The following OLFML2B variants were observed in gnomAD, a reference collection of about 807,000 sequenced individuals.
OLFML2B encodes the protein olfactomedin like 2B.
A neutral mutation model predicts 74.9 loss-of-function variants in OLFML2B; 57 were observed. The observed-to-expected ratio is 0.76, with a 90% CI of 0.61 to 0.95. The LOEUF is 0.95. Among genes scored for constraint, OLFML2B ranks in the 40% least tolerant of loss-of-function variants. The pLI is 0.00. For missense variants in OLFML2B, 986 were observed against 970.6 expected, an observed-to-expected ratio of 1.02 and a Z score of -0.21; for synonymous variants, 388 against 405.8, an observed-to-expected ratio of 0.96 and a Z score of 0.53.
intron 1 of OLFML2B, among the ~76,000 whole-genome samples, chr1:162,021,371 G>A (rs761147632): frequency 2.0e-5 from 3 of 152,216 alleles, no homozygotes; most frequent in Non-Finnish European, 4.4e-5. Context: ...GAAAACACGC[G>A]ACAGTAGGCT....
At chr1:161,990,050 G>A (rs1371430447) in intron 6 of OLFML2B, among the ~76,000 whole-genome samples, 1 of 152,200 alleles carries the variant, frequency 6.6e-6, no homozygotes, top group African/African-American at 2.4e-5. Context: ...GGAAGGATAG[G>A]GCAACTCATA....
chr1:161,985,128 A>C, intron 6 of OLFML2B, 148 bp from the exon 7 acceptor site: 1 of 678,096 alleles, frequency 1.5e-6, no homozygotes, highest in South Asian at 2.5e-5. Flanking sequence ...TTTCCACACC[A>C]TCTCCTGCTA....
chr1:161,993,630 T>C (rs866883867), intron 6 of OLFML2B, among the ~76,000 whole-genome samples: 2 of 152,170 alleles, frequency 1.3e-5, no homozygotes, highest in African/African-American at 4.8e-5. Context: ...CCCGGCTCCC[T>C]ACCCTGGAAT....
In OLFML2B at chr1:162,006,335, G is replaced by C. The variant is rs765604113; in HGVS notation, c.685C>G (p.Leu229Val). 5.6e-6 allele frequency: 9 copies of C among 1,611,366 alleles called. No individual in the cohort carries two copies. In the South Asian group the frequency reaches 9.9e-5, roughly 18 times the overall value. The change falls in exon 4 of 8, where the codon CTG becomes GTG. Residue 229 changes from leucine (L) to valine (V), a missense_variant. Transcript: ENST00000294794. The stretch of plus-strand genomic sequence containing the variant: ...TAGGCTGCTGCTGCATCCCTCTGCA[G>C]GGCTGAGCGGATGTCTGGCATGCTA... The part of the protein sequence containing the change: ...LDSMPDIRSA[L>V]QRDAAAAYAH...
chr1:161,998,570 T>C (rs1318403995), intron 5 of OLFML2B, among the ~76,000 whole-genome samples: 1 of 152,094 alleles, frequency 6.6e-6, no homozygotes, highest in Non-Finnish European at 1.5e-5. Context: ...ACTGCAGCCA[T>C]GCTCCCCCCA....
intron 3 of OLFML2B, among the ~76,000 whole-genome samples, chr1:162,014,374 G>A (rs1690473979): frequency 6.6e-6 from 1 of 152,152 alleles, no homozygotes. Context: ...TGCAAATGAA[G>A]TTTCCATTCC....
At chr1:161,997,424 C>A (rs1471303224) in intron 6 of OLFML2B, among the ~76,000 whole-genome samples, 1 of 152,182 alleles carries the variant, frequency 6.6e-6, no homozygotes, top group African/African-American at 2.4e-5. Flanking sequence ...AAATCTGAGA[C>A]TTTCCCCCCA....
In OLFML2B at chr1:161,997,809, G is replaced by C; in HGVS notation, c.1474+16C>G. ...TGAGCTGATCAGGAGACCAAGGCCA[G>C]GTACAATGAACTTACCTATGACATT... On this transcript the variant is annotated intron_variant, in intron 6 of 7. Transcript: ENST00000294794. 2 of 1,597,784 alleles carry C rather than the reference G, an allele frequency of 1.3e-6. No homozygotes were observed. The highest frequency in any genetic ancestry group is 1.7e-6 in the Non-Finnish European group (2 of 1,169,112).
Position 161,983,896 on chromosome 1 carries a change from C to T in OLFML2B, c.2032G>A (p.Val678Ile), listed in dbSNP as rs141909728. The T allele has an allele frequency of 2.2e-5, 36 of 1,614,070 alleles. No homozygotes were observed. The highest frequency in any genetic ancestry group is 4.4e-5 in the South Asian group (4 of 91,094). The change falls in exon 8 of 8, where the codon GTC (valine) becomes ATC (isoleucine). Residue 678 changes from valine to isoleucine, a missense_variant. Coordinates refer to ENST00000294794, the MANE Select transcript of OLFML2B (RefSeq NM_015441.3). ...ACGGCATACAGCACCCCACAGATGA[C>T]GAAGCAGTTGCCGTAGAAATTCCTC... ...LRRNFYGNCFVICGVLYAVDS... is the reference protein window; with the variant it reads ...LRRNFYGNCFIICGVLYAVDS...
intron 6 of OLFML2B, among the ~76,000 whole-genome samples, chr1:161,988,386 G>C (rs1689645776): frequency 6.6e-6 from 1 of 152,140 alleles, no homozygotes; most frequent in Non-Finnish European, 1.5e-5. Flanking sequence ...TACTTGGCAA[G>C]CTTCCCCAGT....
At chr1:162,005,484 G>T (rs745465731) in intron 4 of OLFML2B, among the ~76,000 whole-genome samples, 1 of 152,190 alleles carries the variant, frequency 6.6e-6, no homozygotes, top group Non-Finnish European at 1.5e-5. Context: ...CAGCCACATG[G>T]TATAGTTATG....
chr1:162,002,366 C>T (rs986432875), intron 4 of OLFML2B, among the ~76,000 whole-genome samples: 10 of 152,192 alleles, frequency 6.6e-5, no homozygotes, highest in African/African-American at 2.4e-4. Flanking sequence ...AATTCTAGGC[C>T]TTGGTGGAAG....
At chr1:161,986,531 T>A (rs530581757) in intron 6 of OLFML2B, among the ~76,000 whole-genome samples, 1 of 152,324 alleles carries the variant, frequency 6.6e-6, no homozygotes, top group East Asian at 1.9e-4. Flanking sequence ...GGTCCTGGTC[T>A]GACGGAGCGG....
intron 3 of OLFML2B, 70 bp from the exon 4 acceptor site, chr1:162,006,543 T>C: frequency 8.1e-7 from 1 of 1,241,828 alleles, no homozygotes; most frequent in South Asian, 1.4e-5. Flanking sequence ...CTAGCAGCCA[T>C]CTTCGCTCAG....
intron 4 of OLFML2B, among the ~76,000 whole-genome samples, chr1:162,000,613 G>GT (rs746263314): frequency 1.3e-5 from 2 of 152,354 alleles, no homozygotes; most frequent in Non-Finnish European, 2.9e-5. Flanking sequence ...CCCACAACAG[G>GT]TAAGTGGTAA....
chr1:162,022,502 G>A (rs4233384), intron 1 of OLFML2B, among the ~76,000 whole-genome samples: 135,180 of 151,860 alleles, frequency 0.89, 60,252 homozygotes, highest in Admixed American at 0.91. Flanking sequence ...GCCCGCCTCG[G>A]CCTCCCAAAG....
At position 161,997,964 on chromosome 1, in the gene OLFML2B, T is replaced by C. The variant is rs764123563; in HGVS notation, c.1335A>G (p.Glu445=). 3 of 1,614,222 alleles carry C rather than the reference T, an allele frequency of 1.9e-6. No individual in the cohort carries two copies. The highest frequency in any genetic ancestry group is 2.5e-6 in the Non-Finnish European group (3 of 1,180,036). Residue 445 remains glutamate, a synonymous_variant, in exon 6 of 8, where the codon GAA becomes GAG. Coordinates refer to ENST00000294794, the MANE Select transcript of OLFML2B (RefSeq NM_015441.3). The part of the protein sequence containing the change: ...PAVSPREALM[E]AMHTVPVPPT... ...GAGGCACTGGGACTGTGTGCATAGC[T>C]TCCATCAATGCCTCCCTGGGAGACA... is the stretch of plus-strand genomic sequence containing the variant.
At chr1:161,985,247 A>C (rs1689559965) in intron 6 of OLFML2B, 1 of 357,780 alleles carries the variant, frequency 2.8e-6, no homozygotes, top group Non-Finnish European at 5.0e-6. Flanking sequence ...TCTCAGTCCT[A>C]TCCTTCAAAG....
chr1:162,019,860 G>T, intron 2 of OLFML2B, 59 bp downstream of exon 2: 1 of 1,581,746 alleles, frequency 6.3e-7, no homozygotes, highest in South Asian at 1.2e-5. Context: ...GGCCTTACCA[G>T]ACTTGTGGAT....
Sources: gnomAD v4.1 joint callset for allele counts (sites outside exome capture counted in the v4.1 genomes callset) on GRCh38, gnomAD v4.1.1 for gene constraint, MANE v1.5 for transcripts, NCBI Gene and HGNC (gene_info 2026-07-23, HGNC 2026-07-21) for gene names.